TMEM132C: variants seen among roughly 807,000 people sequenced by gnomAD.
TMEM132C encodes the protein transmembrane protein 132C, also known as protein phosphatase 1, regulatory subunit 152.
In TMEM132C, 29 loss-of-function variants were observed where a neutral mutation model predicts 61.4. The ratio of observed to expected loss-of-function variants is 0.47; its 90% CI spans 0.35 to 0.64. TMEM132C has a LOEUF of 0.64. Among genes scored for constraint, TMEM132C ranks in the 30% least tolerant of loss-of-function variants. The pLI is 0.00. For missense variants in TMEM132C, 1,408 were observed against 1,476.9 expected (o/e 0.95, Z 0.76); for synonymous variants, 656 against 633.1 (o/e 1.04, Z -0.54).
intron 3 of TMEM132C, among the ~76,000 whole-genome samples, chr12:128,606,922 C>T (rs1407296298): frequency 1.3e-5 from 2 of 152,060 alleles, no homozygotes; most frequent in Non-Finnish European, 2.9e-5. Flanking sequence ...CACCAGTAAA[C>T]AAAGCAAGTT....
At chr12:128,530,586 A>G (rs10773550) in intron 2 of TMEM132C, among the ~76,000 whole-genome samples, 150,732 of 152,276 alleles carry the variant, frequency 0.99, 74,618 homozygotes, top group Middle Eastern at 1. Flanking sequence ...TGGGATTACA[A>G]GCATGTGCCA....
At chr12:128,631,034 A>G (rs1047994705) in intron 4 of TMEM132C, among the ~76,000 whole-genome samples, 2 of 152,164 alleles carry the variant, frequency 1.3e-5, no homozygotes, top group Non-Finnish European at 2.9e-5. Context: ...TGTCTCAAAA[A>G]TAGTAATAAT....
chr12:128,366,585 G>C (rs1459598691), intron 1 of TMEM132C, among the ~76,000 whole-genome samples: 2 of 152,174 alleles, frequency 1.3e-5, no homozygotes, highest in East Asian at 3.9e-4. Context: ...TGTTCAGTAA[G>C]TTTGAGGCTT....
In TMEM132C at chr12:128,326,647, G is replaced by A. The variant is rs549998341; in HGVS notation, c.85+59160G>A. ...GGATTACAGCGTGGGTAATTAGACT[G>A]TCACTCTCGAGGAAGGGAACACTGA... On this transcript the variant is annotated intron_variant, in intron 1 of 8. Transcript: ENST00000435159. This position sits in a 1 kb window ranked among gnomAD's most constrained non-coding sequence, Gnocchi z 5.6. 7.9e-5 allele frequency among the ~76,000 whole-genome samples: 12 copies of A among 152,234 alleles called. No individual in the cohort carries two copies. Among genetic ancestry groups the A allele is most frequent in the Admixed American group, 1.3e-4 (2 of 15,294 alleles).
chr12:128,534,086 G>T (rs181151832), intron 2 of TMEM132C, among the ~76,000 whole-genome samples: 1 of 152,292 alleles, frequency 6.6e-6, no homozygotes, highest in African/African-American at 2.4e-5. Context: ...ATGGTTTGCA[G>T]GGTGGAAATT....
chr12:128,333,154 G>A (rs1328405665), intron 1 of TMEM132C, among the ~76,000 whole-genome samples: 1 of 151,462 alleles, frequency 6.6e-6, no homozygotes, highest in Admixed American at 6.6e-5. Context: ...GTGCATGTAT[G>A]TGTGTTGTGT....
chr12:128,611,895 A>T (rs904140178), intron 3 of TMEM132C, among the ~76,000 whole-genome samples: 1 of 152,224 alleles, frequency 6.6e-6, no homozygotes, highest in African/African-American at 2.4e-5. Flanking sequence ...GAGCGGAACC[A>T]GCGACACCAA....
At chr12:128,287,044 A>G (rs1187873194) in intron 1 of TMEM132C, among the ~76,000 whole-genome samples, 2 of 152,210 alleles carry the variant, frequency 1.3e-5, no homozygotes, top group South Asian at 2.1e-4. Context: ...TCTGTGAGAA[A>G]TCTTGTTCCT....
chr12:128,313,348 C>A (rs1161647830), intron 1 of TMEM132C, among the ~76,000 whole-genome samples: 1 of 152,224 alleles, frequency 6.6e-6, no homozygotes, highest in African/African-American at 2.4e-5. Context: ...TGTGAAATGG[C>A]AGAATCAGCC....
intron 5 of TMEM132C, among the ~76,000 whole-genome samples, chr12:128,681,116 G>A (rs1436997172): frequency 6.6e-6 from 1 of 152,060 alleles, no homozygotes; most frequent in Non-Finnish European, 1.5e-5. Flanking sequence ...GAGTAGCTGG[G>A]ATTACAGGCA....
At position 128,267,438 on chromosome 12, in the gene TMEM132C, G is replaced by A. The variant is rs1201775948; in HGVS notation, c.36G>A (p.Ala12=). ...AGGGTGCGGCCCCCGGGCCGGCGGC[G>A]CCGCTGTGCGGGGCGCTGAGCCTGC... The part of the protein sequence containing the change: ...RSEGAAPGPA[A]PLCGALSLLL... Residue 12 remains alanine, a synonymous_variant, in exon 1 of 9, where the codon GCG becomes GCA. Coordinates refer to ENST00000435159, the MANE Select transcript of TMEM132C (RefSeq NM_001136103.3). 16 of 1,251,980 alleles carry A rather than the reference G, an allele frequency of 1.3e-5. No individual in the cohort carries two copies. Among genetic ancestry groups the A allele is most frequent in the Non-Finnish European group, 1.5e-5 (15 of 999,760 alleles). The allele number at this position is 1,251,980 out of a possible 1,614,324, so 77.6% of individuals were successfully genotyped here. A position where few individuals can be genotyped will look rare whatever the true frequency, so the allele number is the denominator to read the frequency against.
chr12:128,624,507 G>A (rs575704396), intron 4 of TMEM132C, among the ~76,000 whole-genome samples: 6 of 135,196 alleles, frequency 4.4e-5, no homozygotes, highest in Non-Finnish European at 7.5e-5. Flanking sequence ...TCGTGCCATT[G>A]CACTCCAACC....
Position 128,415,288 on chromosome 12 carries a change from G to A in TMEM132C, c.642G>A (p.Arg214=), listed in dbSNP as rs1231489719. ...GTGCCCCGACGGTGGGTGCCGGGAG[G>A]AAGAAGTCCATGGACCAGCCGGAGG... ...WFSAPTVGAG[R]KKSMDQPEGT... The change falls in exon 2 of 9, where the codon AGG becomes AGA. Residue 214 remains arginine, a synonymous_variant. Transcript: ENST00000435159. The surrounding 1 kb of genome is among the most constrained non-coding windows in gnomAD (Gnocchi z 5.8). The A allele has an allele frequency of 1.3e-6, 2 of 1,597,852 alleles. No homozygotes were observed. Among genetic ancestry groups the A allele is most frequent in the African/African-American group, 1.3e-5 (1 of 74,328 alleles).
chr12:128,540,741 G>T (rs907620171), intron 2 of TMEM132C, among the ~76,000 whole-genome samples: 2 of 152,148 alleles, frequency 1.3e-5, no homozygotes, highest in Non-Finnish European at 2.9e-5. Flanking sequence ...GGGCAGAGGG[G>T]GTGGTTTCTC....
At chr12:128,512,290 C>G (rs922068851) in intron 2 of TMEM132C, among the ~76,000 whole-genome samples, 1 of 152,126 alleles carries the variant, frequency 6.6e-6, no homozygotes, top group Non-Finnish European at 1.5e-5. Flanking sequence ...TCCTTCTAAT[C>G]TTTCTTTATA....
At chr12:128,427,436 A>ATT (rs1286715443) in intron 2 of TMEM132C, among the ~76,000 whole-genome samples, 1 of 114,532 alleles carries the variant, frequency 8.7e-6, no homozygotes, top group Non-Finnish European at 2.0e-5. Flanking sequence ...GTGTATATAT[A>ATT]TTTAAGGAGG....
intron 5 of TMEM132C, among the ~76,000 whole-genome samples, chr12:128,687,766 A>G (rs79468900): frequency 0.06 from 9,161 of 152,286 alleles, 366 homozygotes; most frequent in African/African-American, 0.11. Context: ...TTCCAACAAT[A>G]GCCCTAGATT....
chr12:128,473,500 A>C (rs1402248434), intron 2 of TMEM132C, among the ~76,000 whole-genome samples: 1 of 134,280 alleles, frequency 7.4e-6, no homozygotes, highest in Non-Finnish European at 1.6e-5. Flanking sequence ...CTTCATCCTT[A>C]CTCCAGCCTC....
At chr12:128,613,302 A>G (rs1876694510) in intron 3 of TMEM132C, among the ~76,000 whole-genome samples, 1 of 152,208 alleles carries the variant, frequency 6.6e-6, no homozygotes, top group African/African-American at 2.4e-5. Flanking sequence ...GCAACTCCCT[A>G]GAATGCAAGA....
Sources: gnomAD v4.1 joint callset for allele counts (sites outside exome capture counted in the v4.1 genomes callset) on GRCh38, gnomAD v4.1.1 for gene constraint, Gnocchi (gnomAD v3.1) non-coding constraint, MANE v1.5 for transcripts, NCBI Gene and HGNC (gene_info 2026-07-23, HGNC 2026-07-21) for gene names.